MAMLD1: variants seen among roughly 807,000 people sequenced by gnomAD.
MAMLD1 encodes the protein mastermind like domain containing 1, also known as mastermind-like domain-containing protein 1.
In MAMLD1, 14 loss-of-function variants were observed where a neutral mutation model predicts 45.0. That is an observed-to-expected ratio of 0.31 (90% CI 0.21 to 0.49). The LOEUF (loss-of-function observed/expected upper bound fraction) is 0.49. Among genes scored for constraint, MAMLD1 ranks in the 20% least tolerant of loss-of-function variants. MAMLD1 has a pLI of 0.99. For missense variants in MAMLD1, 543 were observed against 603.6 expected (o/e 0.90, Z 1.05); for synonymous variants, 254 against 247.8 (o/e 1.02, Z -0.24).
chrX:150,434,621 C>T (rs2035062546), intron 1 of MAMLD1, among the ~76,000 whole-genome samples: 1 of 111,994 alleles, frequency 8.9e-6, no homozygotes, highest in South Asian at 3.7e-4. Flanking sequence ...TCTTTGTTCT[C>T]CTTAGTTTCA....
At chrX:150,504,590 A>G (rs1196856525) in intron 6 of MAMLD1, 1 of 528,972 alleles carries the variant, frequency 1.9e-6, no homozygotes, top group Non-Finnish European at 2.3e-6. Context: ...AGGGAAACAG[A>G]ATTAGCAAAA....
At chrX:150,403,342 T>A (rs1214203095) in intron 1 of MAMLD1, among the ~76,000 whole-genome samples, 1 of 110,746 alleles carries the variant, frequency 9.0e-6, no homozygotes, top group Non-Finnish European at 1.9e-5. Flanking sequence ...GACTAGAGAG[T>A]TTTCTTTTGG....
At chrX:150,508,538 G>A (rs1160645242) in intron 6 of MAMLD1, among the ~76,000 whole-genome samples, 4 of 112,256 alleles carry the variant, frequency 3.6e-5, no homozygotes, top group Non-Finnish European at 3.8e-5. Context: ...TGGTGGAATC[G>A]CTTCTGGTGT....
At chrX:150,468,478 G>A (rs782048411) in intron 3 of MAMLD1, among the ~76,000 whole-genome samples, 17 of 111,704 alleles carry the variant, frequency 1.5e-4, no homozygotes, top group Admixed American at 1.5e-3. Context: ...TTCACCTATC[G>A]GCATTCAGGT....
chrX:150,394,716 G>T (rs1158774597), intron 1 of MAMLD1, among the ~76,000 whole-genome samples: 8 of 110,573 alleles, frequency 7.2e-5, no homozygotes, highest in African/African-American at 1.6e-4. Flanking sequence ...CAGTAATATG[G>T]TTTTTTTTAA....
At chrX:150,363,751 C>T (rs1373490039) in intron 1 of MAMLD1, among the ~76,000 whole-genome samples, 2 of 112,516 alleles carry the variant, frequency 1.8e-5, no homozygotes, top group African/African-American at 3.2e-5. Flanking sequence ...CTCGAAACGC[C>T]GGAGACCACG....
intron 5 of MAMLD1, among the ~76,000 whole-genome samples, chrX:150,482,994 A>G (rs1171147610): frequency 8.9e-6 from 1 of 112,343 alleles, no homozygotes; most frequent in Non-Finnish European, 1.9e-5. Flanking sequence ...TTTGCTGAGT[A>G]ATACAGGAGC....
At chrX:150,481,983 AG>A (rs1557407277) in intron 5 of MAMLD1, among the ~76,000 whole-genome samples, 70 of 78,664 alleles carry the variant, frequency 8.9e-4, no homozygotes, top group Non-Finnish European at 1.5e-3. Flanking sequence ...AAAGAAAGAA[AG>A]AAAGAAAGAA....
intron 1 of MAMLD1, among the ~76,000 whole-genome samples, chrX:150,442,947 C>T (rs1238711976): frequency 1.8e-5 from 2 of 111,781 alleles, no homozygotes; most frequent in Non-Finnish European, 3.8e-5. Flanking sequence ...TGACAGTTCT[C>T]TTTATTCAGC....
chrX:150,401,955 A>C (rs1448206512), intron 1 of MAMLD1, among the ~76,000 whole-genome samples: 2 of 111,449 alleles, frequency 1.8e-5, no homozygotes, highest in African/African-American at 6.5e-5. Context: ...TTAGACCTAA[A>C]ACCATAAAAA....
In MAMLD1 at chrX:150,382,880, AT is replaced by A. The variant is rs1353229416; in HGVS notation, c.-64+19354del. On this transcript the variant is annotated intron_variant, in intron 1 of 7. Coordinates refer to ENST00000370401, the MANE Select transcript of MAMLD1 (RefSeq NM_005491.5). ...GATTACAAATATTTTGTCCCATTTT[AT>A]TTTATTTTTTTTTTTTTTTATTTTT... is the stretch of plus-strand genomic sequence containing the variant. 3.6e-3 allele frequency among the ~76,000 whole-genome samples: 113 copies of A among 31,379 alleles called. 35 individuals carry two copies. The highest frequency in any genetic ancestry group is 0.023 in the African/African-American group (81 of 3,553). The allele number at this position is 31,379 out of a possible 115,157, so 27.2% of individuals were successfully genotyped here. A position where few individuals can be genotyped will look rare whatever the true frequency, so the allele number is the denominator to read the frequency against.
At position 150,388,995 on chromosome X, in the gene MAMLD1, G is replaced by A. The variant is rs782534135; in HGVS notation, c.-64+25465G>A. Among the ~76,000 whole-genome samples the A allele has an allele frequency of 1.8e-4, 20 of 111,369 alleles. 1 individual carries two copies. The highest frequency in any genetic ancestry group is 2.6e-4 in the Non-Finnish European group (14 of 53,083). ...CTATACATTTCCCTCCCAACTCTGC[G>A]TTAGCCATGTCCCACATGTCTTTAT... On this transcript the variant is annotated intron_variant, in intron 1 of 7. Coordinates refer to ENST00000370401, the MANE Select transcript of MAMLD1 (RefSeq NM_005491.5).
intron 4 of MAMLD1, among the ~76,000 whole-genome samples, chrX:150,472,608 T>A (rs954795357): frequency 1.8e-5 from 2 of 112,116 alleles, no homozygotes; most frequent in African/African-American, 3.2e-5. Flanking sequence ...TCTCACAACA[T>A]GGCAGCTGGC....
intron 2 of MAMLD1, among the ~76,000 whole-genome samples, chrX:150,454,050 C>T (rs2035760452): frequency 1.8e-5 from 2 of 112,048 alleles, no homozygotes; most frequent in Admixed American, 9.4e-5. Flanking sequence ...TCTGGGCCCC[C>T]TAGGCAGCCC....
chrX:150,450,142 A>G (rs1428917120), intron 2 of MAMLD1, among the ~76,000 whole-genome samples: 1 of 111,876 alleles, frequency 8.9e-6, no homozygotes, highest in African/African-American at 3.3e-5. Flanking sequence ...AGTGGCAGAG[A>G]CAGCCCATAA....
intron 1 of MAMLD1, among the ~76,000 whole-genome samples, chrX:150,407,185 GTTA>G (rs1369031810): frequency 8.9e-6 from 1 of 111,933 alleles, no homozygotes; most frequent in Non-Finnish European, 1.9e-5. Context: ...GATCAAAATA[GTTA>G]TTAACATATT....
chrX:150,493,722 C>T (rs1297418649), intron 5 of MAMLD1, among the ~76,000 whole-genome samples: 2 of 111,615 alleles, frequency 1.8e-5, no homozygotes, highest in African/African-American at 3.3e-5. Flanking sequence ...GTATTCTGTG[C>T]GGATTTCCAC....
intron 1 of MAMLD1, among the ~76,000 whole-genome samples, chrX:150,391,843 C>G (rs1361476347): frequency 4.5e-5 from 5 of 111,491 alleles, no homozygotes; most frequent in Non-Finnish European, 7.5e-5. Flanking sequence ...TACTTTTTAG[C>G]GGGCAGTCTT....
At chrX:150,374,699 A>G (rs142728935) in intron 1 of MAMLD1, among the ~76,000 whole-genome samples, 1,398 of 111,684 alleles carry the variant, frequency 0.013, 26 homozygotes, top group African/African-American at 0.042. Context: ...AGAGATCCCA[A>G]TTACCCAGCC....
Sources: gnomAD v4.1 joint callset for allele counts (sites outside exome capture counted in the v4.1 genomes callset) on GRCh38, gnomAD v4.1.1 for gene constraint, MANE v1.5 for transcripts, NCBI Gene and HGNC (gene_info 2026-07-23, HGNC 2026-07-21) for gene names.